THSD7A: variants seen among roughly 807,000 people sequenced by gnomAD.
The protein encoded by THSD7A is thrombospondin type 1 domain containing 7A.
In THSD7A, 96 loss-of-function variants were observed where a neutral mutation model predicts 231.3. The observed-to-expected ratio is 0.41, with a 90% confidence interval of 0.35 to 0.49. The LOEUF is 0.49. Ranked by LOEUF, THSD7A falls within the 20% of genes least tolerant of loss-of-function variation. The probability of loss-of-function intolerance (pLI) is 0.05; values close to 1 mark genes in which losing one functional copy is unlikely to be tolerated. For missense variants in THSD7A, 2,290 were observed against 2,070.2 expected, an observed-to-expected ratio of 1.11 and a Z score of -2.06; for synonymous variants, 940 against 743.3, an observed-to-expected ratio of 1.26 and a Z score of -4.30.
At chr7:11,510,868 T>G (rs572121385) in intron 6 of THSD7A, among the ~76,000 whole-genome samples, 4 of 152,202 alleles carry the variant, frequency 2.6e-5, no homozygotes, top group Non-Finnish European at 4.4e-5. Context: ...CTTTGAAAAC[T>G]GGCACAAGAC....
chr7:11,825,694 T>A (rs967137590), intron 1 of THSD7A, among the ~76,000 whole-genome samples: 1 of 152,104 alleles, frequency 6.6e-6, no homozygotes, highest in East Asian at 1.9e-4. Context: ...ATGCATCCCA[T>A]TAATCCATAT....
intron 1 of THSD7A, among the ~76,000 whole-genome samples, chr7:11,715,334 C>A (rs986893022): frequency 7.3e-5 from 11 of 151,376 alleles, no homozygotes; most frequent in Non-Finnish European, 5.9e-5. Flanking sequence ...CAAGGATACT[C>A]CAAAACTTAG....
intron 1 of THSD7A, among the ~76,000 whole-genome samples, chr7:11,792,369 G>A (rs1452814365): frequency 6.6e-6 from 1 of 151,906 alleles, no homozygotes; most frequent in Non-Finnish European, 1.5e-5. Context: ...ATGGCTGCCC[G>A]TTGCAAACTG....
At chr7:11,439,705 A>G (rs1404461626) in intron 13 of THSD7A, among the ~76,000 whole-genome samples, 1 of 152,074 alleles carries the variant, frequency 6.6e-6, no homozygotes, top group African/African-American at 2.4e-5. Context: ...TCCTATCTTC[A>G]GCTCTATGCA....
chr7:11,542,714 A>G (rs886416944), intron 5 of THSD7A, among the ~76,000 whole-genome samples: 2 of 152,326 alleles, frequency 1.3e-5, no homozygotes, highest in South Asian at 4.1e-4. Flanking sequence ...CATCCTAACC[A>G]TTGCACTAAA....
chr7:11,514,909 C>G (rs1787966335), intron 6 of THSD7A, among the ~76,000 whole-genome samples: 1 of 152,112 alleles, frequency 6.6e-6, no homozygotes, highest in Non-Finnish European at 1.5e-5. Context: ...GGGTGCTCCA[C>G]CTTCAGTGAC....
chr7:11,767,730 G>C (rs1258382703), intron 1 of THSD7A, among the ~76,000 whole-genome samples: 1 of 152,100 alleles, frequency 6.6e-6, no homozygotes, highest in African/African-American at 2.4e-5. Flanking sequence ...ATTAATTCTT[G>C]TTGAAAGTTG....
intron 4 of THSD7A, among the ~76,000 whole-genome samples, chr7:11,566,838 T>C (rs994275102): frequency 1.2e-4 from 18 of 152,090 alleles, no homozygotes; most frequent in Non-Finnish European, 1.9e-4. Context: ...TTCAAAAATA[T>C]TTGTCATTGA....
intron 1 of THSD7A, chr7:11,820,607 T>C: frequency 1.4e-6 from 1 of 734,634 alleles, no homozygotes; most frequent in Non-Finnish European, 2.4e-6. Flanking sequence ...GGCCTCTTCC[T>C]CTGGCTTGAA....
chr7:11,741,878 G>A (rs996919460), intron 1 of THSD7A, among the ~76,000 whole-genome samples: 3 of 151,950 alleles, frequency 2.0e-5, no homozygotes, highest in Non-Finnish European at 2.9e-5. Context: ...TGCTTCCAAA[G>A]CTCATGTATA....
chr7:11,698,325 G>T (rs936629446), intron 1 of THSD7A, among the ~76,000 whole-genome samples: 2 of 148,778 alleles, frequency 1.3e-5, no homozygotes, highest in African/African-American at 4.9e-5. Context: ...AAGCAGTGAA[G>T]TTTTTTTTTT....
intron 1 of THSD7A, among the ~76,000 whole-genome samples, chr7:11,654,748 G>C (rs902842993): frequency 6.6e-6 from 1 of 151,890 alleles, no homozygotes; most frequent in East Asian, 1.9e-4. Flanking sequence ...GACACATGCA[G>C]ATGAATAATA....
chr7:11,390,998 C>T (rs555028350), intron 23 of THSD7A, among the ~76,000 whole-genome samples: 33 of 152,322 alleles, frequency 2.2e-4, no homozygotes, highest in African/African-American at 7.9e-4. Flanking sequence ...CTGCCAGATG[C>T]CAGCCAGAGC....
chr7:11,487,044 T>C (rs991755704), intron 6 of THSD7A, among the ~76,000 whole-genome samples: 2 of 152,236 alleles, frequency 1.3e-5, no homozygotes, highest in Non-Finnish European at 2.9e-5. Context: ...TCCATTTATC[T>C]TTCTTCAAAA....
chr7:11,420,183 A>C (rs1583706038), intron 16 of THSD7A, among the ~76,000 whole-genome samples: 1 of 152,366 alleles, frequency 6.6e-6, no homozygotes, highest in East Asian at 1.9e-4. Flanking sequence ...GAGGAGCCAA[A>C]TGTTAGTAGC....
chr7:11,732,935 C>T (rs187940014), intron 1 of THSD7A, among the ~76,000 whole-genome samples: 1 of 151,886 alleles, frequency 6.6e-6, no homozygotes, highest in Admixed American at 6.6e-5. Flanking sequence ...CATTGAACTG[C>T]CATATACCAT....
rs577580654 is a variant in THSD7A, at chr7:11,380,930, A to G, written c.4508-1218T>C. 1.9e-4 allele frequency among the ~76,000 whole-genome samples: 29 copies of G among 152,314 alleles called. No individual in the cohort carries two copies. In the South Asian group the frequency reaches 6.0e-3, roughly 32 times the overall value. ...CTTTTAAAATTCGACTTACCTTTGC[A>G]TTGGGGGAATAGCCCCAATTGCAGT... On this transcript the variant is annotated intron_variant, in intron 24 of 27. Coordinates refer to ENST00000423059, the MANE Select transcript of THSD7A (RefSeq NM_015204.3).
rs1012087517 is a variant in THSD7A, at chr7:11,593,415, G to T, written c.1110C>A (p.Ser370Arg). Reference sequence around the variant, plus strand: ...TGTCATGGCATGTTTTTGAGCAGGGGCTCCACTCTGACCACTCGGAAACCT... The same window carrying T: ...TGTCATGGCATGTTTTTGAGCAGGGTCTCCACTCTGACCACTCGGAAACCT... Reference protein sequence around the residue: ...ECQVSEWSEWSPCSKTCHDMV... With the variant: ...ECQVSEWSEWRPCSKTCHDMV... Residue 370 changes from serine (S) to arginine (R), a missense_variant, in exon 3 of 28, where the codon AGC becomes AGA. Transcript: ENST00000423059. 6.2e-7 allele frequency: 1 copy of T among 1,614,020 alleles called. No individual in the cohort carries two copies. The highest frequency in any genetic ancestry group is 8.5e-7 in the Non-Finnish European group (1 of 1,179,898).
intron 4 of THSD7A, among the ~76,000 whole-genome samples, chr7:11,562,385 G>A (rs946122181): frequency 2.0e-4 from 31 of 152,240 alleles, no homozygotes; most frequent in Admixed American, 5.9e-4. Flanking sequence ...ATATACTGGT[G>A]CTCAAAGGTT....
Sources: allele counts gnomAD v4.1 joint callset (sites outside exome capture counted in the v4.1 genomes callset), GRCh38; gene constraint gnomAD v4.1.1; transcripts MANE v1.5; gene names NCBI Gene and HGNC (gene_info 2026-07-23, HGNC 2026-07-21).